The following CEPT1 variants were observed in gnomAD, a reference collection of about 807,000 sequenced individuals.
CEPT1 encodes the protein choline/ethanolamine phosphotransferase 1, also known as choline/ethanolaminephosphotransferase 1.
In CEPT1, 7 loss-of-function variants were observed where a neutral mutation model predicts 42.6. That is an observed-to-expected ratio of 0.16 (90% CI 0.09 to 0.31). CEPT1 has a LOEUF of 0.31. CEPT1 is among the 10% of genes least tolerant of loss of function. The pLI is 1.00. For missense variants in CEPT1, 306 were observed against 502.1 expected (o/e 0.61, Z 3.73); for synonymous variants, 171 against 171.9 (o/e 0.99, Z 0.04).
In CEPT1 at chr1:111,184,262, A is replaced by T. The variant is rs1657144459; in HGVS notation, c.1203A>T (p.Ile401=). 1 of 1,613,092 alleles carries T rather than the reference A, an allele frequency of 6.2e-7. No individual in the cohort carries two copies. The highest frequency in any genetic ancestry group is 8.5e-7 in the Non-Finnish European group (1 of 1,179,096). ...ATCAGATTGCGTCTCACCTGCACAT[A>T]CATGTCTTCAGAATCAAGGTCTCTA... is the stretch of plus-strand genomic sequence containing the variant. ...VCNQIASHLH[I]HVFRIKVSTA... is the part of the protein sequence containing the mutation. The change falls in exon 9 of 9, where the codon ATA becomes ATT. Residue 401 remains isoleucine, a synonymous_variant. Transcript: ENST00000357172.
intron 5 of CEPT1, among the ~76,000 whole-genome samples, chr1:111,176,820 C>T (rs897440639): frequency 5.3e-5 from 8 of 152,192 alleles, no homozygotes; most frequent in African/African-American, 7.2e-5. Flanking sequence ...AAAAGTGTTA[C>T]TATCTTAGCC....
rs1293743160 is a variant in CEPT1 at position 111,174,947 on chromosome 1, C to G, written c.698C>G (p.Pro233Arg). The G allele has an allele frequency of 1.2e-6, 2 of 1,608,006 alleles. No homozygotes were observed. Among genetic ancestry groups the G allele is most frequent in the South Asian group, 1.1e-5 (1 of 90,954 alleles). The change falls in exon 5 of 9, where the codon CCT (proline) becomes CGT (arginine). Residue 233 changes from proline to arginine, a missense_variant. Pro to Arg is a moderately radical substitution (Grantham distance 103). Coordinates refer to ENST00000357172, the MANE Select transcript of CEPT1 (RefSeq NM_006090.5). ...TTGCTGGCAGTGATTGGAGGACCACCTTTTTGGCAATCTATGGTAACTTTG... is the reference window on the plus strand; with the variant it reads ...TTGCTGGCAGTGATTGGAGGACCACGTTTTTGGCAATCTATGGTAACTTTG... ...MHLLAVIGGP[P>R]FWQSMIPVLN...
intron 5 of CEPT1, chr1:111,179,100 C>CT (rs1425234362): frequency 2.0e-5 from 3 of 152,136 alleles, no homozygotes; most frequent in African/African-American, 7.2e-5. Context: ...TTTTATCATG[C>CT]TTATAAGAAA....
intron 2 of CEPT1, among the ~76,000 whole-genome samples, chr1:111,149,818 T>C (rs586995): frequency 0.2 from 31,171 of 152,086 alleles, 3,351 homozygotes; most frequent in Middle Eastern, 0.27. Flanking sequence ...AGTTCTAGGA[T>C]GGGGATCAAG....
intron 2 of CEPT1, among the ~76,000 whole-genome samples, chr1:111,154,755 A>G (rs1425664290): frequency 6.6e-6 from 1 of 152,146 alleles, no homozygotes; most frequent in Non-Finnish European, 1.5e-5. Context: ...ATAGGATCTT[A>G]GTTCTTCGTT....
chr1:111,144,366 G>A (rs1271132825), intron 1 of CEPT1, among the ~76,000 whole-genome samples: 3 of 152,232 alleles, frequency 2.0e-5, no homozygotes, highest in African/African-American at 7.2e-5. Flanking sequence ...TATATTTGCA[G>A]TGTTGTTGCT....
At chr1:111,141,859 C>T (rs1326350883) in intron 1 of CEPT1, among the ~76,000 whole-genome samples, 1 of 151,832 alleles carries the variant, frequency 6.6e-6, no homozygotes, top group Non-Finnish European at 1.5e-5. Flanking sequence ...ATTTGCCCTT[C>T]CTTTCTGCTA....
Position 111,184,544 on chromosome 1 carries a change from G to GA in CEPT1, c.*241dup, listed in dbSNP as rs1165392254. The GA allele has an allele frequency of 2.1e-5, 7 of 332,982 alleles. No homozygotes were observed. The highest frequency in any genetic ancestry group is 4.3e-5 in the African/African-American group (2 of 46,710). The allele number at this position is 332,982 out of a possible 1,614,324, so 20.6% of individuals were successfully genotyped here. A position where few individuals can be genotyped will look rare whatever the true frequency, so the allele number is the denominator to read the frequency against. ...AGGGTTTGGGCCAAGAAAGCATGCA[G>GA]AAAAAAATGCCATGTGATTGTAATT... On this transcript the variant is annotated 3_prime_UTR_variant, in exon 9 of 9. Coordinates refer to ENST00000357172, the MANE Select transcript of CEPT1 (RefSeq NM_006090.5).
chr1:111,147,337 C>T (rs1277340570), intron 1 of CEPT1, among the ~76,000 whole-genome samples: 1 of 152,120 alleles, frequency 6.6e-6, no homozygotes, highest in East Asian at 1.9e-4. Context: ...ACATTTGTTG[C>T]ATTATACAAC....
intron 6 of CEPT1, 141 bp downstream of exon 6, chr1:111,182,459 C>G: frequency 1.1e-6 from 1 of 941,684 alleles, no homozygotes; most frequent in Non-Finnish European, 1.6e-6. Context: ...ATGTTCAAAA[C>G]TTCAATTTTA....
intron 4 of CEPT1, among the ~76,000 whole-genome samples, chr1:111,172,296 A>G (rs1656458774): frequency 6.6e-6 from 1 of 151,978 alleles, no homozygotes; most frequent in South Asian, 2.1e-4. Flanking sequence ...GTGTGGTAGT[A>G]GTGGTCAGTT....
At chr1:111,176,134 A>G (rs558744875) in intron 5 of CEPT1, among the ~76,000 whole-genome samples, 18 of 152,316 alleles carry the variant, frequency 1.2e-4, no homozygotes, top group Non-Finnish European at 2.2e-4. Flanking sequence ...AGATGAAGGA[A>G]TAAAAATAAT....
In CEPT1 at chr1:111,147,643, T is replaced by G; in HGVS notation, c.-72T>G. 9.6e-7 allele frequency: 1 copy of G among 1,040,146 alleles called. No homozygotes were observed. The highest frequency in any genetic ancestry group is 1.4e-6 in the Non-Finnish European group (1 of 723,422). The allele number at this position is 1,040,146 out of a possible 1,614,324, so 64.4% of individuals were successfully genotyped here. A position where few individuals can be genotyped will look rare whatever the true frequency, so the allele number is the denominator to read the frequency against. The stretch of plus-strand genomic sequence containing the variant: ...TTTTTATTTTATTTTATTTTTTAGG[T>G]AAGCACCAGCCACAAAAACCTACAA... On this transcript the variant is annotated splice_region_variant and 5_prime_UTR_variant, in exon 2 of 9. Transcript: ENST00000357172.
chr1:111,171,500 G>A (rs891407652), intron 4 of CEPT1, among the ~76,000 whole-genome samples: 5 of 152,306 alleles, frequency 3.3e-5, no homozygotes, highest in African/African-American at 9.6e-5. Flanking sequence ...TATTACGGGC[G>A]TTGAAGGTTA....
At chr1:111,161,352 C>T in intron 4 of CEPT1, 56 bp downstream of exon 4, 1 of 1,473,556 alleles carries the variant, frequency 6.8e-7, no homozygotes. Flanking sequence ...GAGAATGTTG[C>T]CTTATAAGTA....
intron 2 of CEPT1, among the ~76,000 whole-genome samples, chr1:111,155,788 T>G (rs1334027710): frequency 6.6e-6 from 1 of 152,214 alleles, no homozygotes; most frequent in East Asian, 1.9e-4. Flanking sequence ...TCTGCCCGCC[T>G]TGGCCTCCCA....
At chr1:111,176,671 G>A (rs891635701) in intron 5 of CEPT1, among the ~76,000 whole-genome samples, 15 of 151,934 alleles carry the variant, frequency 9.9e-5, no homozygotes, top group Admixed American at 3.3e-4. Context: ...GAGATATCTT[G>A]GTATCTTGAG....
rs535114546 is a variant in CEPT1 at position 111,150,786 on chromosome 1, A to G, written c.339+2733A>G. 1.3e-3 allele frequency among the ~76,000 whole-genome samples: 205 copies of G among 152,220 alleles called. 2 individuals are homozygous for G. Among genetic ancestry groups the G allele is most frequent in the African/African-American group, 4.7e-3 (195 of 41,526 alleles). ...TAGATAAGAAAATAAGTTAGCTTTT[A>G]TTTTTCACATTCTTAGGGTAGAAAT... On this transcript the variant is annotated intron_variant, in intron 2 of 8. Transcript: ENST00000357172.
At chr1:111,183,700 A>G in intron 8 of CEPT1, 113 bp downstream of exon 8, 1 of 1,120,314 alleles carries the variant, frequency 8.9e-7, no homozygotes, top group Non-Finnish European at 1.3e-6. Context: ...ATGATTTGGA[A>G]TGTCAGAAAT....
Sources: gnomAD v4.1 joint callset for allele counts (sites outside exome capture counted in the v4.1 genomes callset) on GRCh38, gnomAD v4.1.1 for gene constraint, MANE v1.5 for transcripts, NCBI Gene and HGNC (gene_info 2026-07-23, HGNC 2026-07-21) for gene names.